PAM: variants seen among roughly 807,000 people sequenced by gnomAD.
PAM encodes peptidyl-glycine alpha-amidating monooxygenase.
A neutral mutation model predicts 122.1 loss-of-function variants in PAM; 72 were observed. The ratio of observed to expected loss-of-function variants is 0.59; its 90% CI spans 0.49 to 0.72. The LOEUF (loss-of-function observed/expected upper bound fraction) is 0.72, where lower values mean the gene tolerates loss of function less well. Among genes scored for constraint, PAM ranks in the 30% least tolerant of loss-of-function variants. PAM has a pLI of 0.00. For synonymous variants in PAM, 389 were observed against 404.4 expected, an observed-to-expected ratio of 0.96 and a Z score of 0.46; for missense variants, 1,106 against 1,183.7, an observed-to-expected ratio of 0.93 and a Z score of 0.96.
intron 16 of PAM, among the ~76,000 whole-genome samples, chr5:103,002,480 G>T (rs927183991): frequency 6.6e-5 from 10 of 151,972 alleles, no homozygotes; most frequent in African/African-American, 2.2e-4. Context: ...ATTCGGTTTT[G>T]TAACTTTTAA....
At chr5:102,966,005 T>C (rs72783898) in intron 14 of PAM, among the ~76,000 whole-genome samples, 7 of 152,204 alleles carry the variant, frequency 4.6e-5, no homozygotes, top group Non-Finnish European at 8.8e-5. Flanking sequence ...TTATATTTCA[T>C]TGATTTGTTC....
At chr5:102,881,139 C>T (rs1790896650) in intron 3 of PAM, among the ~76,000 whole-genome samples, 1 of 151,564 alleles carries the variant, frequency 6.6e-6, no homozygotes, top group East Asian at 1.9e-4. Flanking sequence ...TACACACACA[C>T]ACACACACAC....
rs1445060014 is a variant in PAM, at chr5:102,946,872, C to T, written c.562C>T (p.Leu188Phe). Residue 188 changes from leucine (L) to phenylalanine (F), a missense_variant, in exon 8 of 26, where the codon CTC (leucine) becomes TTC (phenylalanine). Around this residue, in one of 3 missense-constraint regions of PAM, gnomAD observed 670 missense variants for 690.3 expected, o/e 0.97. Transcript: ENST00000438793. ...NKDCSGVSLH[L>F]TRLPQPLIAG... ...GGACTGTTCTGGTGTGTCCTTACAC[C>T]TCACACGTCTGCCGTAAGTACTTCC... 4.4e-6 allele frequency: 7 copies of T among 1,600,598 alleles called. No homozygotes were observed. Among genetic ancestry groups the T allele is most frequent in the Non-Finnish European group, 6.0e-6 (7 of 1,168,728 alleles).
intron 1 of PAM, among the ~76,000 whole-genome samples, chr5:102,758,103 T>C (rs1751147471): frequency 9.2e-6 from 1 of 108,330 alleles, no homozygotes; most frequent in Non-Finnish European, 1.8e-5. Context: ...TTTTTTTTTT[T>C]TTTTTCTTGG....
intron 1 of PAM, among the ~76,000 whole-genome samples, chr5:102,819,935 G>A (rs1272906219): frequency 1.3e-5 from 2 of 152,154 alleles, no homozygotes; most frequent in East Asian, 1.9e-4. Context: ...CCTAGAGAGG[G>A]TGGTCGCAGT....
At chr5:102,804,720 G>A (rs902029356) in intron 1 of PAM, among the ~76,000 whole-genome samples, 4 of 152,192 alleles carry the variant, frequency 2.6e-5, no homozygotes, top group South Asian at 2.1e-4. Context: ...ATGAGGCTAA[G>A]CTGTATCAGG....
At chr5:102,860,939 G>A (rs1028854556) in intron 1 of PAM, among the ~76,000 whole-genome samples, 11 of 152,064 alleles carry the variant, frequency 7.2e-5, no homozygotes, top group Non-Finnish European at 1.5e-4. Flanking sequence ...CAGTGGGTGG[G>A]GCTGACCTGT....
intron 1 of PAM, among the ~76,000 whole-genome samples, chr5:102,839,273 A>G (rs1232395665): frequency 1.3e-5 from 2 of 152,188 alleles, no homozygotes; most frequent in Non-Finnish European, 2.9e-5. Context: ...TGTTACTGAA[A>G]AGAGTTAAAC....
At chr5:102,916,240 TGA>T (rs1294243594) in intron 5 of PAM, among the ~76,000 whole-genome samples, 1 of 152,130 alleles carries the variant, frequency 6.6e-6, no homozygotes, top group Non-Finnish European at 1.5e-5. Context: ...ATCCAAATGC[TGA>T]GTCTGATTGG....
At chr5:102,945,478 A>G (rs972497256) in intron 7 of PAM, among the ~76,000 whole-genome samples, 4 of 151,578 alleles carry the variant, frequency 2.6e-5, no homozygotes, top group African/African-American at 7.3e-5. Flanking sequence ...AACTAAATAT[A>G]TGTAAAATAT....
chr5:102,918,632 T>C (rs1162175083), intron 5 of PAM, among the ~76,000 whole-genome samples: 1 of 152,170 alleles, frequency 6.6e-6, no homozygotes, highest in African/African-American at 2.4e-5. Context: ...TCTTAATCAA[T>C]TTTTTAAATG....
At chr5:102,867,076 AG>A (rs1265575947) in intron 2 of PAM, among the ~76,000 whole-genome samples, 196 bp from the exon 3 acceptor site, 1 of 152,202 alleles carries the variant, frequency 6.6e-6, no homozygotes, top group Non-Finnish European at 1.5e-5. Flanking sequence ...TTTACAAATT[AG>A]GTATATATTG....
intron 5 of PAM, 134 bp from the exon 6 acceptor site, chr5:102,924,823 C>G: frequency 1.7e-6 from 1 of 596,198 alleles, no homozygotes; most frequent in East Asian, 2.7e-5. Flanking sequence ...GATCTTAAAG[C>G]TAATATCATG....
chr5:103,009,227 T>C (rs1439566112), intron 20 of PAM, among the ~76,000 whole-genome samples: 2 of 152,184 alleles, frequency 1.3e-5, no homozygotes. Context: ...AAATATGTCT[T>C]TGATAATCTG....
At chr5:102,984,156 TAAAC>T (rs1024788550) in intron 15 of PAM, among the ~76,000 whole-genome samples, 14 of 150,998 alleles carry the variant, frequency 9.3e-5, no homozygotes, top group African/African-American at 3.4e-4. Context: ...ACCACAATGA[TAAAC>T]AATAGGAAAG....
chr5:102,887,907 T>G lies in PAM; in HGVS notation c.211-13449T>G, dbSNP rs1165287936. On this transcript the variant is annotated intron_variant, in intron 3 of 25. Coordinates refer to ENST00000438793, the MANE Select transcript of PAM (RefSeq NM_001177306.2). ...ATCACTTTCTCAAAGAAGCTTTTCC[T>G]GACCACCTCCAATTCCCCCTATTCC... 2.6e-4 allele frequency among the ~76,000 whole-genome samples: 40 copies of G among 151,988 alleles called. 1 individual carries two copies. Among genetic ancestry groups the G allele is most frequent in the Admixed American group, 2.6e-3 (40 of 15,222 alleles).
chr5:102,776,426 A>G (rs1459524227), intron 1 of PAM, among the ~76,000 whole-genome samples: 1 of 152,044 alleles, frequency 6.6e-6, no homozygotes, highest in Non-Finnish European at 1.5e-5. Context: ...TATGTTCTAA[A>G]TGGTATTGCC....
At chr5:102,939,052 C>T (rs564856818) in intron 7 of PAM, among the ~76,000 whole-genome samples, 32 of 152,018 alleles carry the variant, frequency 2.1e-4, no homozygotes, top group African/African-American at 7.2e-4. Context: ...ACTTGTAAAA[C>T]GAAAAGGATA....
chr5:102,849,266 G>A (rs1780737412), intron 1 of PAM, among the ~76,000 whole-genome samples: 1 of 152,038 alleles, frequency 6.6e-6, no homozygotes, highest in Admixed American at 6.6e-5. Context: ...CTAGTAAAAA[G>A]AAAAAGGTGG....
Sources: gnomAD v4.1 joint callset for allele counts (sites outside exome capture counted in the v4.1 genomes callset) on GRCh38, gnomAD v4.1.1 for gene constraint, gnomAD v4.1.1 regional missense constraint, MANE v1.5 for transcripts, NCBI Gene and HGNC (gene_info 2026-07-23, HGNC 2026-07-21) for gene names.